PHTF2: variants seen among roughly 807,000 people sequenced by gnomAD.
PHTF2 encodes putative homeodomain transcription factor 2.
PHTF2 carries 60 observed loss-of-function variants against 101.2 expected under a neutral mutation model. That is an observed-to-expected ratio of 0.59 (90% CI 0.48 to 0.73). PHTF2 has a LOEUF of 0.73. Ranked by LOEUF, PHTF2 falls within the 30% of genes least tolerant of loss-of-function variation. The probability of loss-of-function intolerance (pLI) is 0.00; values close to 1 mark genes in which losing one functional copy is unlikely to be tolerated. For missense variants in PHTF2, 747 were observed against 908.7 expected, an observed-to-expected ratio of 0.82 and a Z score of 2.29; for synonymous variants, 311 against 307.3, an observed-to-expected ratio of 1.01 and a Z score of -0.13.
At chr7:77,944,644 T>C (rs1468294197) in intron 16 of PHTF2, among the ~76,000 whole-genome samples, 1 of 151,952 alleles carries the variant, frequency 6.6e-6, no homozygotes, top group African/African-American at 2.4e-5. Flanking sequence ...TATCAAAACA[T>C]AGGAAGAAAC....
chr7:77,837,223 T>C (rs1795548132), intron 1 of PHTF2, among the ~76,000 whole-genome samples: 1 of 152,182 alleles, frequency 6.6e-6, no homozygotes, highest in South Asian at 2.1e-4. Context: ...TTATGCTTTT[T>C]TCTGTAAATA....
chr7:77,888,895 TA>T (rs1800113830), intron 3 of PHTF2, among the ~76,000 whole-genome samples: 1 of 151,958 alleles, frequency 6.6e-6, no homozygotes, highest in Non-Finnish European at 1.5e-5. Flanking sequence ...GTAACAATAA[TA>T]TAAAGCAGAA....
intron 12 of PHTF2, among the ~76,000 whole-genome samples, chr7:77,930,742 A>G (rs974995086): frequency 6.6e-6 from 1 of 152,202 alleles, no homozygotes; most frequent in Non-Finnish European, 1.5e-5. Flanking sequence ...TTCCTGGTTT[A>G]CAACAGCTAT....
chr7:77,903,667 T>C lies in PHTF2; in HGVS notation c.445+1747T>C, dbSNP rs547444614. ...GGCCCTTATGATGAACACTAAACAT[T>C]CTCCTAGTAAAGCTTAGTTAGAGAA... On this transcript the variant is annotated intron_variant, in intron 7 of 19. Transcript: ENST00000416283. Among the ~76,000 whole-genome samples, 55 of 152,170 alleles carry C rather than the reference T, an allele frequency of 3.6e-4. 1 individual carries two copies. The highest frequency in any genetic ancestry group is 7.2e-4 in the Non-Finnish European group (49 of 68,014).
chr7:77,802,034 A>G (rs567076030), intron 1 of PHTF2, among the ~76,000 whole-genome samples: 7 of 152,330 alleles, frequency 4.6e-5, no homozygotes, highest in African/African-American at 1.7e-4. Flanking sequence ...ATTTTAAGAG[A>G]GAACTAGTTG....
At chr7:77,817,505 C>G (rs1472464067) in intron 1 of PHTF2, among the ~76,000 whole-genome samples, 4 of 152,090 alleles carry the variant, frequency 2.6e-5, no homozygotes, top group Non-Finnish European at 5.9e-5. Context: ...GAATGAGAAC[C>G]AAGCAAAGGG....
intron 1 of PHTF2, among the ~76,000 whole-genome samples, chr7:77,838,705 A>G (rs1166489133): frequency 6.6e-6 from 1 of 152,158 alleles, no homozygotes; most frequent in African/African-American, 2.4e-5. Context: ...GACTTATTCA[A>G]TATTACATAA....
intron 1 of PHTF2, among the ~76,000 whole-genome samples, chr7:77,825,811 C>A (rs1282950970): frequency 6.6e-6 from 1 of 151,604 alleles, no homozygotes; most frequent in Non-Finnish European, 1.5e-5. Flanking sequence ...CTGTATTAAA[C>A]GTGATAAAAA....
chr7:77,950,654 CAAAAA>C (rs1246302158), intron 17 of PHTF2, among the ~76,000 whole-genome samples: 1 of 151,658 alleles, frequency 6.6e-6, no homozygotes, highest in Non-Finnish European at 1.5e-5. Context: ...GACTCCAACT[CAAAAA>C]AAAGTATACT....
chr7:77,882,370 T>A (rs191599057), intron 3 of PHTF2, among the ~76,000 whole-genome samples: 3,269 of 152,026 alleles, frequency 0.022, 101 homozygotes, highest in African/African-American at 0.073. Flanking sequence ...AAAAAAAAAA[T>A]TTATTTCTTT....
At chr7:77,894,201 C>T (rs981752635) in intron 5 of PHTF2, among the ~76,000 whole-genome samples, 1 of 152,166 alleles carries the variant, frequency 6.6e-6, no homozygotes, top group Non-Finnish European at 1.5e-5. Context: ...AACATGTAAT[C>T]ATATCTCTTA....
chr7:77,877,336 C>T (rs1487824409), intron 3 of PHTF2, among the ~76,000 whole-genome samples: 2 of 152,206 alleles, frequency 1.3e-5, no homozygotes, highest in Non-Finnish European at 2.9e-5. Flanking sequence ...GAACTCCTGA[C>T]CTCATGATCC....
chr7:77,891,675 C>A (rs1800427715), intron 3 of PHTF2, among the ~76,000 whole-genome samples: 1 of 152,096 alleles, frequency 6.6e-6, no homozygotes, highest in Non-Finnish European at 1.5e-5. Context: ...CAGCCTCAAC[C>A]TCCCAGGCTC....
At chr7:77,824,911 T>A (rs1794591965) in intron 1 of PHTF2, among the ~76,000 whole-genome samples, 1 of 150,004 alleles carries the variant, frequency 6.7e-6, no homozygotes, top group Non-Finnish European at 1.5e-5. Context: ...GGCACACACC[T>A]GTAGTCTTAG....
At chr7:77,817,349 G>A (rs1471458128) in intron 1 of PHTF2, among the ~76,000 whole-genome samples, 1 of 152,130 alleles carries the variant, frequency 6.6e-6, no homozygotes, top group Non-Finnish European at 1.5e-5. Flanking sequence ...TGCTAATAAA[G>A]ACATACCTGA....
Position 77,912,957 on chromosome 7 carries a change from T to C in PHTF2, c.776+2548T>C, listed in dbSNP as rs540705364. 9.7e-4 allele frequency among the ~76,000 whole-genome samples: 148 copies of C among 152,224 alleles called. 1 individual carries two copies. Among genetic ancestry groups the C allele is most frequent in the African/African-American group, 3.3e-3 (139 of 41,558 alleles). On this transcript the variant is annotated intron_variant, in intron 9 of 19. Coordinates refer to ENST00000416283, the Ensembl canonical transcript of PHTF2. ...AGTTGGAAAGGTACTGTTTGTCATCTCTAAGTACATTTTATTCTCAAGATA... is the reference window on the plus strand; with the variant it reads ...AGTTGGAAAGGTACTGTTTGTCATCCCTAAGTACATTTTATTCTCAAGATA...
chr7:77,921,560 G>A (rs1386880440), intron 10 of PHTF2, among the ~76,000 whole-genome samples: 2 of 152,190 alleles, frequency 1.3e-5, no homozygotes, highest in Admixed American at 6.5e-5. Flanking sequence ...TTCAGTACCA[G>A]TAGCCATAGA....
At chr7:77,837,041 A>G (rs1795531069) in intron 1 of PHTF2, among the ~76,000 whole-genome samples, 1 of 152,000 alleles carries the variant, frequency 6.6e-6, no homozygotes, top group African/African-American at 2.4e-5. Context: ...TGTCAAGGAT[A>G]GTGTTAGCTT....
chr7:77,839,886 T>TAGAGAACC (rs1795738700), intron 1 of PHTF2, among the ~76,000 whole-genome samples: 2 of 152,208 alleles, frequency 1.3e-5, no homozygotes, highest in Admixed American at 1.3e-4. Context: ...ATTGAATGAA[T>TAGAGAACC]TGGTTTCTTG....
Sources: allele counts gnomAD v4.1 joint callset (sites outside exome capture counted in the v4.1 genomes callset), GRCh38; gene constraint gnomAD v4.1.1; transcripts MANE v1.5; gene names NCBI Gene and HGNC (gene_info 2026-07-23, HGNC 2026-07-21).